Variants in SSH2 observed in about 807,000 individuals in gnomAD.
SSH2 encodes the protein protein phosphatase Slingshot homolog 2.
A neutral mutation model predicts 135.2 loss-of-function variants in SSH2; 37 were observed. The observed-to-expected ratio is 0.27, with a 90% CI of 0.21 to 0.36. The LOEUF is 0.36. Ranked by LOEUF, SSH2 falls within the 10% of genes least tolerant of loss-of-function variation. The probability of loss-of-function intolerance (pLI) is 1.00; values close to 1 mark genes in which losing one functional copy is unlikely to be tolerated. For missense variants in SSH2, 1,408 were observed against 1,765.3 expected, an observed-to-expected ratio of 0.80 and a Z score of 3.63; for synonymous variants, 628 against 646.2, an observed-to-expected ratio of 0.97 and a Z score of 0.43.
chr17:29,916,263 C>T (rs972039783), intron 1 of SSH2, among the ~76,000 whole-genome samples: 1 of 152,038 alleles, frequency 6.6e-6, no homozygotes, highest in Non-Finnish European at 1.5e-5. Context: ...GGTGCTAATG[C>T]ACTCCCTGGC....
At chr17:29,745,781 C>A (rs1377325477) in intron 3 of SSH2, among the ~76,000 whole-genome samples, 1 of 152,046 alleles carries the variant, frequency 6.6e-6, no homozygotes, top group Non-Finnish European at 1.5e-5. Flanking sequence ...GCTACCATAT[C>A]GTATTTAATC....
intron 1 of SSH2, among the ~76,000 whole-genome samples, chr17:29,872,509 C>T (rs568719004): frequency 1.3e-5 from 2 of 152,258 alleles, no homozygotes; most frequent in African/African-American, 4.8e-5. Flanking sequence ...AATCCCAGCA[C>T]TTTGGGAGGC....
intron 1 of SSH2, among the ~76,000 whole-genome samples, chr17:29,909,418 T>C (rs983753030): frequency 5.3e-5 from 8 of 152,084 alleles, no homozygotes; most frequent in Admixed American, 4.6e-4. Flanking sequence ...TGAACTTAAT[T>C]AACTTTAAAT....
intron 11 of SSH2, among the ~76,000 whole-genome samples, chr17:29,659,097 T>C (rs991324290): frequency 6.6e-6 from 1 of 152,202 alleles, no homozygotes; most frequent in African/African-American, 2.4e-5. Context: ...TCATTTTATA[T>C]ATCCTCAAAA....
chr17:29,830,097 C>T (rs914169141), intron 2 of SSH2, among the ~76,000 whole-genome samples: 6 of 152,072 alleles, frequency 3.9e-5, no homozygotes, highest in Non-Finnish European at 7.4e-5. Context: ...CCTCGGCCTC[C>T]CAAAGTGCTG....
intron 1 of SSH2, among the ~76,000 whole-genome samples, chr17:29,897,424 G>A (rs1217590053): frequency 1.3e-5 from 2 of 152,050 alleles, no homozygotes; most frequent in Non-Finnish European, 2.9e-5. Flanking sequence ...TCAAAATAAA[G>A]GGATGGAGGA....
chr17:29,706,626 C>T (rs1038514719), intron 3 of SSH2, among the ~76,000 whole-genome samples: 2 of 152,232 alleles, frequency 1.3e-5, no homozygotes, highest in East Asian at 1.9e-4. Flanking sequence ...ACACTTTTGC[C>T]AACACAGCAA....
chr17:29,659,989 C>T (rs185356185), intron 11 of SSH2, among the ~76,000 whole-genome samples: 1 of 148,788 alleles, frequency 6.7e-6, no homozygotes, highest in African/African-American at 2.5e-5. Context: ...CACCATCATA[C>T]CCAGCTAATT....
chr17:29,918,928 C>A (rs2066927790), intron 1 of SSH2, among the ~76,000 whole-genome samples: 2 of 151,824 alleles, frequency 1.3e-5, no homozygotes, highest in South Asian at 2.1e-4. Flanking sequence ...CAGAACGAGA[C>A]CGTCTCAAAT....
At chr17:29,866,698 T>C (rs1397243476) in intron 1 of SSH2, among the ~76,000 whole-genome samples, 1 of 152,172 alleles carries the variant, frequency 6.6e-6, no homozygotes, top group Non-Finnish European at 1.5e-5. Context: ...TGAGGAGAAC[T>C]GAAATGGAAA....
At position 29,648,136 on chromosome 17, in the gene SSH2, T is replaced by C. The variant is rs1354414431; in HGVS notation, c.1427+8A>G. ...AGGAGGGAGAATTGGAGAAAGTCAC[T>C]GACTCACCTTGCCAGCAAGATCCCC... is the stretch of plus-strand genomic sequence containing the variant. On this transcript the variant is annotated splice_region_variant and intron_variant, in intron 14 of 15. Transcript: ENST00000540801. The C allele has an allele frequency of 6.2e-7, 1 of 1,613,160 alleles. No individual in the cohort carries two copies. The highest frequency in any genetic ancestry group is 8.5e-7 in the Non-Finnish European group (1 of 1,179,914).
In SSH2 at chr17:29,873,169, G is replaced by A. The variant is rs9897023; in HGVS notation, c.64-24240C>T. On this transcript the variant is annotated intron_variant, in intron 1 of 15. Transcript: ENST00000540801. ...AAACAAAATATCCACAGTTACTTAC[G>A]GGTTACCTAAAAAGCCAAGAGAAAT... is the stretch of plus-strand genomic sequence containing the variant. Among the ~76,000 whole-genome samples the A allele has an allele frequency of 6.5e-3, 996 of 152,156 alleles. 6 individuals are homozygous for A. The highest frequency in any genetic ancestry group is 0.023 in the African/African-American group (956 of 41,494).
intron 2 of SSH2, among the ~76,000 whole-genome samples, chr17:29,801,871 T>A (rs866204786): frequency 3.3e-5 from 5 of 152,230 alleles, no homozygotes; most frequent in Non-Finnish European, 7.3e-5. Context: ...AAGGACTCTA[T>A]GCCAGTTACA....
rs561976152 is a variant in SSH2 at position 29,735,682 on chromosome 17, G to A, written c.189-32620C>T. Among the ~76,000 whole-genome samples, 9 of 139,752 alleles carry A rather than the reference G, an allele frequency of 6.4e-5. No homozygotes were observed. The Admixed American group carries it at 6.7e-4, about 10-fold the overall frequency. The allele number at this position is 139,752 out of a possible 152,430, so 91.7% of individuals were successfully genotyped here. ...ACTGCACTCCAGCCTGGACGACAGA[G>A]CAAGATTCTGTCTCAAAAAAAAAAA... On this transcript the variant is annotated intron_variant, in intron 3 of 15. Coordinates refer to ENST00000540801, the MANE Select transcript of SSH2 (RefSeq NM_001282129.2).
chr17:29,827,361 G>A lies in SSH2; in HGVS notation c.144+21488C>T, dbSNP rs1206016747. 2.6e-5 allele frequency among the ~76,000 whole-genome samples: 4 copies of A among 152,268 alleles called. No individual in the cohort carries two copies. In the South Asian group the frequency reaches 6.2e-4, roughly 24 times the overall value. On this transcript the variant is annotated intron_variant, in intron 2 of 15. Coordinates refer to ENST00000540801, the MANE Select transcript of SSH2 (RefSeq NM_001282129.2). The stretch of plus-strand genomic sequence containing the variant: ...CCAGTCACAGACAGCATATAGTAGT[G>A]CTAGGATTTAAATCCCAGTTTGATT...
At chr17:29,899,736 T>C (rs551477921) in intron 1 of SSH2, among the ~76,000 whole-genome samples, 2 of 151,696 alleles carry the variant, frequency 1.3e-5, no homozygotes, top group Non-Finnish European at 3.0e-5. Flanking sequence ...AATGCCATCC[T>C]GATCAAGCTA....
intron 2 of SSH2, among the ~76,000 whole-genome samples, chr17:29,815,910 G>A (rs2042550638): frequency 6.6e-6 from 1 of 152,078 alleles, no homozygotes; most frequent in African/African-American, 2.4e-5. Flanking sequence ...GTGCACTGGC[G>A]TGATCTCGGC....
In SSH2 at chr17:29,632,885, G is replaced by A. The variant is rs2289629; in HGVS notation, c.2309C>T (p.Ser770Leu). The A allele has an allele frequency of 0.31, 507,539 of 1,613,474 alleles. 83,810 individuals carry two copies. Among genetic ancestry groups the A allele is most frequent in the Non-Finnish European group, 0.34 (405,107 of 1,179,644 alleles). ...VSPDIFMQSH[S>L]ENAISVKEIV... ...TTCTTTGACTGAAATTGCATTTTCC[G>A]AGTGAGACTGCATGAAGATGTCTGG... Residue 770 changes from serine (S) to leucine (L), a missense_variant, in exon 16 of 16, where the codon TCG becomes TTG. This residue lies in a region of SSH2 where 1,080 missense variants were observed against 1,144.5 expected (regional missense o/e 0.94). Transcript: ENST00000540801.
intron 1 of SSH2, among the ~76,000 whole-genome samples, chr17:29,908,586 G>A (rs1338586998): frequency 6.6e-6 from 1 of 151,672 alleles, no homozygotes; most frequent in Admixed American, 6.6e-5. Context: ...CCAACATGGT[G>A]AACCCCGTCT....
Sources: allele counts gnomAD v4.1 joint callset (sites outside exome capture counted in the v4.1 genomes callset), GRCh38; gene constraint gnomAD v4.1.1; regional missense constraint gnomAD v4.1.1; transcripts MANE v1.5; gene names NCBI Gene and HGNC (gene_info 2026-07-23, HGNC 2026-07-21).